The following PIF1 variants were observed in gnomAD, a reference collection of about 807,000 sequenced individuals.
The protein encoded by PIF1 is ATP-dependent DNA helicase PIF1.
A neutral mutation model predicts 62.3 loss-of-function variants in PIF1; 67 were observed. The ratio of observed to expected loss-of-function variants is 1.08; its 90% CI spans 0.88 to 1.32. The LOEUF is 1.32. Ranked by LOEUF, PIF1 falls within the 40% of genes most tolerant of loss-of-function variation. PIF1 has a pLI of 0.00. For missense variants in PIF1, 886 were observed against 866.1 expected (o/e 1.02, Z -0.29); for synonymous variants, 364 against 379.5 (o/e 0.96, Z 0.47).
chr15:64,818,116 A>G (rs755135495), intron 10 of PIF1, 25 bp from the exon 11 acceptor site: 2 of 1,613,156 alleles, frequency 1.2e-6, no homozygotes, highest in Non-Finnish European at 1.7e-6. Flanking sequence ...GAGCAGTCCA[A>G]CTTTAGCTCT....
chr15:64,817,173 GA>G (rs143112390), intron 11 of PIF1, among the ~76,000 whole-genome samples: 6,356 of 152,230 alleles, frequency 0.042, 168 homozygotes, highest in African/African-American at 0.058. Context: ...TGGTGGCTTA[GA>G]AAATGGTGGG....
Position 64,821,471 on chromosome 15 carries a change from T to C in PIF1, c.867A>G (p.Gln289=), listed in dbSNP as rs2084287209. ...GCCAGCCCTGCCGCACGCCTGGCCT[T>C]TGGGCCAGGGCCACACACTGGGCTA... is the stretch of plus-strand genomic sequence containing the variant. ...APLAQCVALA[Q]RPGVRQGWLN... is the part of the protein sequence containing the mutation. The change falls in exon 5 of 13, where the codon CAA becomes CAG. Residue 289 remains glutamine, a synonymous_variant. Transcript: ENST00000559239. 2 of 1,613,894 alleles carry C rather than the reference T, an allele frequency of 1.2e-6. No individual in the cohort carries two copies. Among genetic ancestry groups the C allele is most frequent in the South Asian group, 1.1e-5 (1 of 91,062 alleles).
Sources: allele counts gnomAD v4.1 joint callset (sites outside exome capture counted in the v4.1 genomes callset), GRCh38; gene constraint gnomAD v4.1.1; transcripts MANE v1.5; gene names NCBI Gene and HGNC (gene_info 2026-07-23, HGNC 2026-07-21).